The following PAFAH1B1 variants were observed in gnomAD, a reference collection of about 807,000 sequenced individuals.
PAFAH1B1 encodes the protein platelet-activating factor acetylhydrolase IB subunit beta.
A neutral mutation model predicts 57.5 loss-of-function variants in PAFAH1B1; 2 were observed. The observed-to-expected ratio is 0.03, with a 90% confidence interval of 0.01 to 0.11. The LOEUF is 0.11. PAFAH1B1 is among the 10% of genes least tolerant of loss of function. PAFAH1B1 has a pLI of 1.00. For missense variants in PAFAH1B1, 257 were observed against 512.0 expected, an observed-to-expected ratio of 0.50 and a Z score of 4.81; for synonymous variants, 152 against 169.6, an observed-to-expected ratio of 0.90 and a Z score of 0.81.
chr17:2,652,373 C>G (rs935701024), intron 2 of PAFAH1B1, among the ~76,000 whole-genome samples: 1 of 152,214 alleles, frequency 6.6e-6, no homozygotes, highest in Non-Finnish European at 1.5e-5. Context: ...CAAGATCGCG[C>G]CACTGCACTC....
At chr17:2,676,403 A>C in intron 8 of PAFAH1B1, 102 bp from the exon 9 acceptor site, 1 of 800,068 alleles carries the variant, frequency 1.2e-6, no homozygotes, top group South Asian at 1.5e-5. Flanking sequence ...CCAAAATGCA[A>C]CAAAAAAATT....
intron 1 of PAFAH1B1, among the ~76,000 whole-genome samples, chr17:2,630,073 C>T (rs1417459035): frequency 6.6e-6 from 1 of 152,086 alleles, no homozygotes; most frequent in Non-Finnish European, 1.5e-5. Flanking sequence ...AGTATTTAGT[C>T]CATTTCCATT....
intron 1 of PAFAH1B1, chr17:2,613,391 G>T: frequency 4.1e-6 from 1 of 241,772 alleles, no homozygotes; most frequent in East Asian, 8.7e-5. Flanking sequence ...ATAGGGGGAG[G>T]TGGCTGTCAT....
At chr17:2,601,126 A>C (rs559086604) in intron 1 of PAFAH1B1, among the ~76,000 whole-genome samples, 1 of 152,012 alleles carries the variant, frequency 6.6e-6, no homozygotes, top group Non-Finnish European at 1.5e-5. Context: ...ATGAATATTT[A>C]TTTATTATTT....
At chr17:2,655,440 G>T (rs577118296) in intron 2 of PAFAH1B1, among the ~76,000 whole-genome samples, 5 of 152,216 alleles carry the variant, frequency 3.3e-5, no homozygotes, top group Middle Eastern at 6.8e-3. Flanking sequence ...TTGGGAGGCC[G>T]AAGCAGGTGG....
At chr17:2,604,169 C>T (rs1006127731) in intron 1 of PAFAH1B1, among the ~76,000 whole-genome samples, 2 of 152,086 alleles carry the variant, frequency 1.3e-5, no homozygotes, top group African/African-American at 4.8e-5. Context: ...TCCCGAGTAG[C>T]TGGGATTACA....
chr17:2,619,981 T>G (rs1382575497), intron 1 of PAFAH1B1, among the ~76,000 whole-genome samples: 2 of 152,020 alleles, frequency 1.3e-5, no homozygotes, highest in Admixed American at 1.3e-4. Context: ...TGTGGAGATG[T>G]GGTCTTGCTG....
rs2151679313 is a variant in PAFAH1B1 at position 2,685,417 on chromosome 17, C to G, written c.*3615C>G. 6.7e-6 allele frequency: 1 copy of G among 148,876 alleles called. No homozygotes were observed. The highest frequency in any genetic ancestry group is 3.4e-3 in the Middle Eastern group (1 of 290). The allele number at this position is 148,876 out of a possible 1,614,324, so 9.2% of individuals were successfully genotyped here. A position where few individuals can be genotyped will look rare whatever the true frequency, so the allele number is the denominator to read the frequency against. On this transcript the variant is annotated 3_prime_UTR_variant, in exon 11 of 11. Coordinates refer to ENST00000397195, the MANE Select transcript of PAFAH1B1 (RefSeq NM_000430.4). ...GAAGTGGTAATTGAGGAAAACAGTT[C>G]CCCAGATTGTTAAGAGTTCACTGAA...
At chr17:2,656,932 T>G (rs1415866917) in intron 2 of PAFAH1B1, among the ~76,000 whole-genome samples, 3 of 152,214 alleles carry the variant, frequency 2.0e-5, no homozygotes, top group Non-Finnish European at 4.4e-5. Flanking sequence ...TAGAGCAGTT[T>G]TTTTTTTGAG....
chr17:2,672,574 G>C (rs752744271), intron 6 of PAFAH1B1, 81 bp from the exon 7 acceptor site: 9 of 965,090 alleles, frequency 9.3e-6, no homozygotes, highest in Non-Finnish European at 1.5e-5. Flanking sequence ...GAAACCCCAT[G>C]GTAAAATCCC....
intron 1 of PAFAH1B1, among the ~76,000 whole-genome samples, chr17:2,617,354 T>C (rs2068357851): frequency 6.6e-6 from 1 of 152,146 alleles, no homozygotes; most frequent in Non-Finnish European, 1.5e-5. Flanking sequence ...ATGTAAATTT[T>C]GGATGGGTAA....
intron 9 of PAFAH1B1, among the ~76,000 whole-genome samples, chr17:2,678,685 G>T (rs2069314679): frequency 6.6e-6 from 1 of 152,130 alleles, no homozygotes. Context: ...TTTGAGACCA[G>T]CCTGAGCAAC....
intron 1 of PAFAH1B1, among the ~76,000 whole-genome samples, chr17:2,615,347 C>T (rs1362661685): frequency 3.3e-5 from 5 of 152,100 alleles, no homozygotes; most frequent in African/African-American, 4.8e-5. Context: ...AAGGAAAAAG[C>T]GATTTATGAC....
chr17:2,605,679 C>G (rs2068197518), intron 1 of PAFAH1B1, among the ~76,000 whole-genome samples: 1 of 152,144 alleles, frequency 6.6e-6, no homozygotes, highest in Non-Finnish European at 1.5e-5. Flanking sequence ...GCAGTCTTTT[C>G]TAATTTTTTC....
intron 1 of PAFAH1B1, chr17:2,614,021 G>GTTTTTTTTTTTTT (rs11432432): frequency 6.2e-5 from 6 of 96,972 alleles, no homozygotes; most frequent in Non-Finnish European, 9.2e-5. Context: ...TATATATTGG[G>GTTTTTTTTTTTTT]TTTTTTTTTT....
intron 1 of PAFAH1B1, among the ~76,000 whole-genome samples, chr17:2,621,579 T>A (rs2068421191): frequency 6.7e-6 from 1 of 149,352 alleles, no homozygotes; most frequent in Admixed American, 6.7e-5. Flanking sequence ...ATATAATACG[T>A]GCTATTCAAG....
intron 8 of PAFAH1B1, among the ~76,000 whole-genome samples, chr17:2,674,871 G>A (rs1046586767): frequency 2.6e-5 from 4 of 152,246 alleles, no homozygotes; most frequent in South Asian, 2.1e-4. Flanking sequence ...AAGGTACAGC[G>A]GCACATGGCT....
At chr17:2,616,100 T>A (rs2068337173) in intron 1 of PAFAH1B1, among the ~76,000 whole-genome samples, 1 of 152,174 alleles carries the variant, frequency 6.6e-6, no homozygotes, top group Non-Finnish European at 1.5e-5. Context: ...ACATCTTTCT[T>A]GTTTGTTGTA....
At chr17:2,650,810 G>C (rs778188624) in intron 2 of PAFAH1B1, among the ~76,000 whole-genome samples, 2 of 151,936 alleles carry the variant, frequency 1.3e-5, no homozygotes, top group Non-Finnish European at 1.5e-5. Context: ...GTGCCTGTTC[G>C]GGGTGTTGCT....
Sources: gnomAD v4.1 joint callset for allele counts (sites outside exome capture counted in the v4.1 genomes callset) on GRCh38, gnomAD v4.1.1 for gene constraint, MANE v1.5 for transcripts, NCBI Gene and HGNC (gene_info 2026-07-23, HGNC 2026-07-21) for gene names.